Variants in SOAT1 observed in about 807,000 individuals in gnomAD.
The protein encoded by SOAT1 is acyl-coenzyme A:cholesterol acyltransferase 1.
In SOAT1, 55 loss-of-function variants were observed where a neutral mutation model predicts 69.5. The observed-to-expected ratio is 0.79, with a 90% CI of 0.64 to 0.99. The LOEUF (loss-of-function observed/expected upper bound fraction) is 0.99. SOAT1 is among the 50% of genes least tolerant of loss of function. The probability of loss-of-function intolerance (pLI) is 0.00; values close to 1 mark genes in which losing one functional copy is unlikely to be tolerated. For synonymous variants in SOAT1, 231 were observed against 224.7 expected, an observed-to-expected ratio of 1.03 and a Z score of -0.25; for missense variants, 580 against 669.3, an observed-to-expected ratio of 0.87 and a Z score of 1.47.
chr1:179,314,437 T>C (rs1665323474), intron 2 of SOAT1, among the ~76,000 whole-genome samples: 1 of 152,190 alleles, frequency 6.6e-6, no homozygotes, highest in Non-Finnish European at 1.5e-5. Context: ...GGAAGCAGCC[T>C]AGGTAGAAAG....
At chr1:179,302,891 C>T in intron 2 of SOAT1, 89 bp downstream of exon 2, 2 of 670,794 alleles carry the variant, frequency 3.0e-6, no homozygotes, top group East Asian at 5.7e-5. Context: ...CTCTTTAATT[C>T]TTTATTGTAA....
chr1:179,336,959 C>CA (rs1666181286), intron 4 of SOAT1, among the ~76,000 whole-genome samples: 1 of 149,858 alleles, frequency 6.7e-6, no homozygotes, highest in African/African-American at 2.5e-5. Context: ...CACGCCACTG[C>CA]ACTTCAGCCT....
intron 2 of SOAT1, among the ~76,000 whole-genome samples, chr1:179,322,566 G>GGCC (rs1470507776): frequency 6.6e-6 from 1 of 151,964 alleles, no homozygotes; most frequent in Admixed American, 6.6e-5. Flanking sequence ...AATTCTGTAC[G>GGCC]GCCTTGATTG....
intron 13 of SOAT1, among the ~76,000 whole-genome samples, chr1:179,349,409 C>A (rs1444419558): frequency 2.7e-5 from 4 of 149,488 alleles, no homozygotes; most frequent in African/African-American, 9.9e-5. Context: ...CTCACTGCAA[C>A]CTCCTCCTCC....
Position 179,297,422 on chromosome 1 carries a change from C to T in SOAT1, c.-9+3486C>T, listed in dbSNP as rs1450329751. 4.6e-5 allele frequency among the ~76,000 whole-genome samples: 7 copies of T among 152,156 alleles called. No homozygotes were observed. The South Asian group carries it at 8.3e-4, about 18-fold the overall frequency. On this transcript the variant is annotated intron_variant, in intron 1 of 15. Coordinates refer to ENST00000367619, the MANE Select transcript of SOAT1 (RefSeq NM_003101.6). ...CGCGATCTCGGCTCACTGCAACCTC[C>T]GCCTCCTGGGTTCAAGCAATTCTCT...
At chr1:179,297,584 C>T (rs1381026405) in intron 1 of SOAT1, among the ~76,000 whole-genome samples, 1 of 151,942 alleles carries the variant, frequency 6.6e-6, no homozygotes, top group Non-Finnish European at 1.5e-5. Context: ...ATCCACCCGC[C>T]TCAGCCTCCC....
chr1:179,314,896 C>G (rs905399372), intron 2 of SOAT1, among the ~76,000 whole-genome samples: 2 of 152,044 alleles, frequency 1.3e-5, no homozygotes, highest in African/African-American at 4.8e-5. Context: ...ATAAGTATTG[C>G]AAGCCTGATT....
chr1:179,336,145 C>G (rs1049787531), intron 4 of SOAT1, among the ~76,000 whole-genome samples: 9 of 135,990 alleles, frequency 6.6e-5, no homozygotes, highest in African/African-American at 2.2e-4. Flanking sequence ...GAGAGAGACT[C>G]TGTCTCCAAA....
In SOAT1 at chr1:179,323,376, G is replaced by C. The variant is rs1665672772; in HGVS notation, c.119-61G>C. 3 of 1,370,074 alleles carry C rather than the reference G, an allele frequency of 2.2e-6. No individual in the cohort carries two copies. In the Admixed American group the frequency reaches 5.6e-5, roughly 25 times the overall value. The allele number at this position is 1,370,074 out of a possible 1,614,324, so 84.9% of individuals were successfully genotyped here. A position where few individuals can be genotyped will look rare whatever the true frequency, so the allele number is the denominator to read the frequency against. On this transcript the variant is annotated intron_variant, in intron 2 of 15. Transcript: ENST00000367619. ...TGTTTGTTTTCAACTTTATGATTTA[G>C]ACAGTGCTACTAGGTAGCTGTATCC...
At chr1:179,318,217 C>T (rs182582309) in intron 2 of SOAT1, among the ~76,000 whole-genome samples, 6 of 144,754 alleles carry the variant, frequency 4.1e-5, no homozygotes, top group African/African-American at 1.4e-4. Context: ...CAAAACTCTA[C>T]CCATATTTTA....
intron 1 of SOAT1, among the ~76,000 whole-genome samples, chr1:179,302,215 A>C (rs921958651): frequency 5.3e-5 from 8 of 152,176 alleles, no homozygotes; most frequent in African/African-American, 1.9e-4. Flanking sequence ...AAGGAAGAGA[A>C]TGTATCATCA....
chr1:179,303,172 G>T (rs908761949), intron 2 of SOAT1, among the ~76,000 whole-genome samples: 1 of 152,190 alleles, frequency 6.6e-6, no homozygotes, highest in Non-Finnish European at 1.5e-5. Context: ...ATTTATCACA[G>T]TGTAATATTC....
chr1:179,332,038 CTGAT>C (rs1665992987), intron 3 of SOAT1, among the ~76,000 whole-genome samples: 1 of 152,014 alleles, frequency 6.6e-6, no homozygotes, highest in Non-Finnish European at 1.5e-5. Context: ...TTATTATTTA[CTGAT>C]TGGTTTACTT....
At chr1:179,320,766 C>T (rs1172019782) in intron 2 of SOAT1, among the ~76,000 whole-genome samples, 2 of 152,178 alleles carry the variant, frequency 1.3e-5, no homozygotes, top group South Asian at 2.1e-4. Context: ...GACAGAGTCT[C>T]GCTCTGTTGC....
intron 3 of SOAT1, among the ~76,000 whole-genome samples, chr1:179,328,414 GTTTAGATAC>G (rs1473965605): frequency 6.6e-6 from 1 of 152,194 alleles, no homozygotes. Context: ...AGTAGGAAGA[GTTTAGATAC>G]TTTAGATATT....
At chr1:179,325,421 G>T (rs1665754934) in intron 3 of SOAT1, among the ~76,000 whole-genome samples, 1 of 152,024 alleles carries the variant, frequency 6.6e-6, no homozygotes, top group South Asian at 2.1e-4. Context: ...CAAAGTTCTG[G>T]GATTACAGGC....
chr1:179,297,689 A>G (rs1664696730), intron 1 of SOAT1, among the ~76,000 whole-genome samples: 1 of 147,344 alleles, frequency 6.8e-6, no homozygotes, highest in Admixed American at 6.9e-5. Flanking sequence ...AGCCAAGATC[A>G]TGCCACTGCA....
At position 179,345,658 on chromosome 1, in the gene SOAT1, C is replaced by G. The variant is rs181694241; in HGVS notation, c.1117+582C>G. On this transcript the variant is annotated intron_variant, in intron 11 of 15. Transcript: ENST00000367619. ...CTTACTAGCCTCGACCTCTGGGGCT[C>G]GAGTGATCCTCTCGCCTCAGTAGCT... Among the ~76,000 whole-genome samples the G allele has an allele frequency of 6.6e-5, 10 of 152,050 alleles. No homozygotes were observed. The East Asian group carries it at 1.9e-3, about 30-fold the overall frequency.
chr1:179,307,716 C>T (rs12748703), intron 2 of SOAT1, among the ~76,000 whole-genome samples: 12,106 of 152,042 alleles, frequency 0.08, 619 homozygotes, highest in Non-Finnish European at 0.12. Flanking sequence ...CTTAGGTTAC[C>T]TTTTATGCAA....
Sources: allele counts gnomAD v4.1 joint callset (sites outside exome capture counted in the v4.1 genomes callset), GRCh38; gene constraint gnomAD v4.1.1; transcripts MANE v1.5; gene names NCBI Gene and HGNC (gene_info 2026-07-23, HGNC 2026-07-21).